Variants in NCOR1 observed in about 807,000 individuals in gnomAD.
NCOR1 encodes the protein protein phosphatase 1, regulatory subunit 109.
A neutral mutation model predicts 288.1 loss-of-function variants in NCOR1; 63 were observed. That is an observed-to-expected ratio of 0.22 (90% CI 0.18 to 0.27). NCOR1 has a LOEUF of 0.27. Ranked by LOEUF, NCOR1 falls within the 10% of genes least tolerant of loss-of-function variation. NCOR1 has a pLI of 1.00. For synonymous variants in NCOR1, 1,007 were observed against 1,065.9 expected (o/e 0.94, Z 1.08); for missense variants, 2,397 against 3,019.2 (o/e 0.79, Z 4.83).
chr17:16,079,366 T>C (rs1053885611), intron 26 of NCOR1, among the ~76,000 whole-genome samples: 2 of 152,212 alleles, frequency 1.3e-5, no homozygotes, highest in Admixed American at 6.5e-5. Context: ...TTTACAATGA[T>C]TTCCCAAAAC....
chr17:16,155,719 G>GTA (rs1223510237), intron 6 of NCOR1, among the ~76,000 whole-genome samples: 1 of 152,132 alleles, frequency 6.6e-6, no homozygotes, highest in Non-Finnish European at 1.5e-5. Context: ...TCCAACTAGT[G>GTA]TAACTGCTGC....
At chr17:16,048,132 A>T (rs1222721071) in intron 41 of NCOR1, among the ~76,000 whole-genome samples, 1 of 152,248 alleles carries the variant, frequency 6.6e-6, no homozygotes, top group African/African-American at 2.4e-5. Context: ...TACGACCATG[A>T]GCAAGTGACA....
chr17:16,114,198 A>C (rs2071055800), intron 18 of NCOR1, among the ~76,000 whole-genome samples: 1 of 147,800 alleles, frequency 6.8e-6, no homozygotes, highest in South Asian at 2.2e-4. Flanking sequence ...TCTTTCTAAA[A>C]CCAGTAGATC....
chr17:16,132,875 C>T (rs1244418404), intron 14 of NCOR1, among the ~76,000 whole-genome samples: 2 of 142,004 alleles, frequency 1.4e-5, no homozygotes, highest in African/African-American at 5.2e-5. Context: ...GCTTTTCTTG[C>T]TTTCCTTCCT....
At chr17:16,211,308 G>T (rs2092107858) in intron 1 of NCOR1, among the ~76,000 whole-genome samples, 2 of 151,034 alleles carry the variant, frequency 1.3e-5, no homozygotes, top group African/African-American at 4.9e-5. Context: ...CCAGTCTGAA[G>T]TGAGTGCACT....
Position 16,108,843 on chromosome 17 carries a change from G to C in NCOR1, c.2125C>G (p.Gln709Glu). 6.2e-7 allele frequency: 1 copy of C among 1,607,528 alleles called. No individual in the cohort carries two copies. Among genetic ancestry groups the C allele is most frequent in the Non-Finnish European group, 8.5e-7 (1 of 1,176,106 alleles). ...CESVASTVSA[Q>E]EDEDIEASNE... ...GAGGCTTCAATATCTTCATCCTCCTGAGCAGAAACAGTGGAAGCGACACTT... is the reference window on the plus strand; with the variant it reads ...GAGGCTTCAATATCTTCATCCTCCTCAGCAGAAACAGTGGAAGCGACACTT... Residue 709 changes from glutamine (Q) to glutamate (E), a missense_variant, in exon 19 of 46, where the codon CAG (glutamine) becomes GAG (glutamate). Transcript: ENST00000268712.
At chr17:16,179,008 C>G (rs1006355688) in intron 3 of NCOR1, among the ~76,000 whole-genome samples, 1 of 151,972 alleles carries the variant, frequency 6.6e-6, no homozygotes, top group East Asian at 1.9e-4. Flanking sequence ...GAGGCTGAGG[C>G]AGAAGAATCG....
At chr17:16,213,952 C>T (rs1339803294) in intron 1 of NCOR1, among the ~76,000 whole-genome samples, 1 of 152,044 alleles carries the variant, frequency 6.6e-6, no homozygotes. Flanking sequence ...TAGCTATATC[C>T]ATATATACAA....
rs1189134246 is a variant in NCOR1, at chr17:16,029,459, T to C, written c.*2837A>G. 3.5e-6 allele frequency: 1 copy of C among 282,282 alleles called. No individual in the cohort carries two copies. The highest frequency in any genetic ancestry group is 2.2e-5 in the African/African-American group (1 of 44,824). 17.5% of individuals were successfully genotyped at this position (282,282 alleles called of 1,614,324 possible). ...ATATTTTTAAAATAGAATCACTCAG[T>C]GTACCAAAATTAAAAGCATTATGAA... On this transcript the variant is annotated 3_prime_UTR_variant, in exon 46 of 46. Coordinates refer to ENST00000268712, the MANE Select transcript of NCOR1 (RefSeq NM_006311.4).
At chr17:16,101,215 G>C (rs547621614) in intron 20 of NCOR1, 35 bp downstream of exon 20, 1 of 1,534,806 alleles carries the variant, frequency 6.5e-7, no homozygotes, top group Admixed American at 2.1e-5. Flanking sequence ...AACCAGCAGA[G>C]TAAGCACGGG....
intron 14 of NCOR1, among the ~76,000 whole-genome samples, chr17:16,132,857 CCA>C (rs1253736306): frequency 6.7e-6 from 1 of 148,476 alleles, no homozygotes; most frequent in African/African-American, 2.5e-5. Context: ...GCCACCACGT[CCA>C]GTCTGGCTTT....
intron 15 of NCOR1, among the ~76,000 whole-genome samples, chr17:16,123,350 T>C (rs545923594): frequency 6.6e-6 from 1 of 152,286 alleles, no homozygotes; most frequent in African/African-American, 2.4e-5. Flanking sequence ...ACCATCTCTA[T>C]TTCTACTACC....
In NCOR1 at chr17:16,091,994, C is replaced by G. The variant is rs1195419085; in HGVS notation, c.2885G>C (p.Arg962Pro). ...TPVSGYALYQ[R>P]HIKAMHESAL... Reference sequence around the variant, plus strand: ...TGACTCATGCATTGCTTTAATGTGTCGCTGGTAGAGAGCATAGCCGCTCAC... The same window carrying G: ...TGACTCATGCATTGCTTTAATGTGTGGCTGGTAGAGAGCATAGCCGCTCAC... Residue 962 changes from arginine (R) to proline (P), a missense_variant, in exon 22 of 46, where the codon CGA becomes CCA. Coordinates refer to ENST00000268712, the MANE Select transcript of NCOR1 (RefSeq NM_006311.4). The G allele has an allele frequency of 6.2e-7, 1 of 1,614,118 alleles. No individual in the cohort carries two copies. The highest frequency in any genetic ancestry group is 8.5e-7 in the Non-Finnish European group (1 of 1,180,030).
At chr17:16,181,211 A>ATGTATG (rs758395387) in intron 3 of NCOR1, among the ~76,000 whole-genome samples, 88 of 139,578 alleles carry the variant, frequency 6.3e-4, no homozygotes, top group South Asian at 3.9e-3. Flanking sequence ...ATATATATGT[A>ATGTATG]TGTGTGTGTG....
chr17:16,034,637 T>TA, intron 45 of NCOR1, 128 bp downstream of exon 45: 2 of 849,858 alleles, frequency 2.4e-6, no homozygotes, highest in Non-Finnish European at 3.7e-6. Flanking sequence ...AAGTGGAACA[T>TA]ATTAATGATA....
At chr17:16,149,588 CAG>C (rs1465354558) in intron 8 of NCOR1, 71 bp from the exon 9 acceptor site, 10 of 627,034 alleles carry the variant, frequency 1.6e-5, no homozygotes, top group Non-Finnish European at 2.1e-5. Context: ...ACTTTTTTTC[CAG>C]AGACACTGGA....
chr17:16,097,749 G>A (rs1191784567), intron 21 of NCOR1, among the ~76,000 whole-genome samples: 3 of 152,206 alleles, frequency 2.0e-5, no homozygotes, highest in Non-Finnish European at 4.4e-5. Flanking sequence ...AGCAAATTAT[G>A]GAACCTGACG....
At chr17:16,071,786 T>A in intron 29 of NCOR1, 121 bp from the exon 30 acceptor site, 2 of 894,910 alleles carry the variant, frequency 2.2e-6, no homozygotes, top group Non-Finnish European at 3.3e-6. Context: ...TAACATAATT[T>A]AAAATAATGC....
chr17:16,114,719 C>T (rs530832780), intron 18 of NCOR1, among the ~76,000 whole-genome samples: 8 of 152,230 alleles, frequency 5.3e-5, no homozygotes, highest in South Asian at 2.1e-4. Context: ...ACGTCCAGGT[C>T]GTGCTGATGC....
Sources: gnomAD v4.1 joint callset for allele counts (sites outside exome capture counted in the v4.1 genomes callset) on GRCh38, gnomAD v4.1.1 for gene constraint, MANE v1.5 for transcripts, NCBI Gene and HGNC (gene_info 2026-07-23, HGNC 2026-07-21) for gene names.